Variants in CTNNA2 observed in about 807,000 individuals in gnomAD.
CTNNA2 encodes catenin alpha-2.
A neutral mutation model predicts 101.0 loss-of-function variants in CTNNA2; 42 were observed. That is an observed-to-expected ratio of 0.42 (90% CI 0.32 to 0.54). The LOEUF (loss-of-function observed/expected upper bound fraction) is 0.54. Among genes scored for constraint, CTNNA2 ranks in the 20% least tolerant of loss-of-function variants. The pLI is 0.14. For synonymous variants in CTNNA2, 450 were observed against 456.4 expected (o/e 0.99, Z 0.18); for missense variants, 871 against 1,223.1 (o/e 0.71, Z 4.29).
intron 6 of CTNNA2, among the ~76,000 whole-genome samples, chr2:79,875,093 G>A (rs1056863414): frequency 6.6e-6 from 1 of 152,168 alleles, no homozygotes; most frequent in African/African-American, 2.4e-5. Flanking sequence ...GAGAGCCTGT[G>A]TTAGTTCTCT....
chr2:80,626,218 T>C (rs1671668432), intron 18 of CTNNA2, among the ~76,000 whole-genome samples: 1 of 152,108 alleles, frequency 6.6e-6, no homozygotes, highest in Admixed American at 6.6e-5. Context: ...TAGAGTTATT[T>C]CTCTCTCACA....
At chr2:80,257,109 T>C (rs17018905) in intron 7 of CTNNA2, among the ~76,000 whole-genome samples, 9,499 of 152,232 alleles carry the variant, frequency 0.062, 473 homozygotes, top group South Asian at 0.29. Flanking sequence ...AGATGCACCA[T>C]TACAAGGGCA....
At chr2:80,318,945 A>G (rs1678404677) in intron 7 of CTNNA2, among the ~76,000 whole-genome samples, 1 of 152,180 alleles carries the variant, frequency 6.6e-6, no homozygotes, top group African/African-American at 2.4e-5. Context: ...AAGAGGTTTT[A>G]GTGTATGTTG....
intron 7 of CTNNA2, among the ~76,000 whole-genome samples, chr2:80,269,755 A>C (rs2149136943): frequency 6.6e-6 from 1 of 152,334 alleles, no homozygotes. Context: ...TCCATCAGAT[A>C]ATATGGCAAA....
intron 7 of CTNNA2, among the ~76,000 whole-genome samples, chr2:80,358,943 T>C (rs932199304): frequency 6.6e-6 from 1 of 152,150 alleles, no homozygotes; most frequent in Non-Finnish European, 1.5e-5. Context: ...TTTTTCCTTT[T>C]TGCATTGGGG....
intron 7 of CTNNA2, among the ~76,000 whole-genome samples, chr2:79,978,041 T>C (rs1277015525): frequency 6.6e-6 from 1 of 152,182 alleles, no homozygotes; most frequent in Non-Finnish European, 1.5e-5. Flanking sequence ...ATGCAAAATC[T>C]ACTTTGATTC....
Position 79,852,002 on chromosome 2 carries a change from T to A in CTNNA2, c.299-6011T>A, listed in dbSNP as rs189661449. 4.2e-3 allele frequency among the ~76,000 whole-genome samples: 637 copies of A among 152,200 alleles called. 4 individuals carry two copies. Among genetic ancestry groups the A allele is most frequent in the African/African-American group, 0.013 (556 of 41,532 alleles). ...ATCTGCCCGCCTCAGCCTCTCGAAG[T>A]GCTGGGATTACAGGTGTGAGCCACA... On this transcript the variant is annotated intron_variant, in intron 3 of 18. Coordinates refer to ENST00000402739, the MANE Select transcript of CTNNA2 (RefSeq NM_001282597.3).
At chr2:80,355,747 T>TTTTC (rs1220313120) in intron 7 of CTNNA2, among the ~76,000 whole-genome samples, 1 of 152,236 alleles carries the variant, frequency 6.6e-6, no homozygotes, top group African/African-American at 2.4e-5. Flanking sequence ...TTGGACAACT[T>TTTTC]TTTCTTTCTT....
At chr2:80,217,315 C>T (rs548429181) in intron 7 of CTNNA2, among the ~76,000 whole-genome samples, 2 of 152,060 alleles carry the variant, frequency 1.3e-5, no homozygotes, top group Admixed American at 6.6e-5. Flanking sequence ...CTTCATATAA[C>T]TTCATCCTCT....
intron 4 of CTNNA2, among the ~76,000 whole-genome samples, chr2:79,417,070 A>G (rs1678492561): frequency 6.6e-6 from 1 of 152,158 alleles, no homozygotes; most frequent in Non-Finnish European, 1.5e-5. Flanking sequence ...TGTATGCCAT[A>G]AGTATACTCT....
chr2:79,805,981 T>C lies in CTNNA2; in HGVS notation c.299-52032T>C, dbSNP rs569396594. 5.9e-4 allele frequency among the ~76,000 whole-genome samples: 90 copies of C among 152,154 alleles called. 1 individual carries two copies. The South Asian group carries it at 0.017, about 28-fold the overall frequency. On this transcript the variant is annotated intron_variant, in intron 3 of 18. Coordinates refer to ENST00000402739, the MANE Select transcript of CTNNA2 (RefSeq NM_001282597.3). ...GTTTATAAGAAAAGAAAGAATAGCC[T>C]ATAATTTTCAAAGATTAGTAGGTTA...
chr2:79,190,823 C>T (rs1414749385), intron 1 of CTNNA2, among the ~76,000 whole-genome samples: 1 of 152,162 alleles, frequency 6.6e-6, no homozygotes, highest in Non-Finnish European at 1.5e-5. Context: ...AAGAGAAATA[C>T]ATTTTAATAA....
intron 7 of CTNNA2, among the ~76,000 whole-genome samples, chr2:80,264,842 G>A (rs1227735074): frequency 6.6e-6 from 1 of 152,004 alleles, no homozygotes; most frequent in Non-Finnish European, 1.5e-5. Flanking sequence ...AAGGTTTGTA[G>A]GAACAGATTG....
chr2:80,024,719 C>T (rs1694826619), intron 7 of CTNNA2, among the ~76,000 whole-genome samples: 1 of 151,710 alleles, frequency 6.6e-6, no homozygotes, highest in African/African-American at 2.4e-5. Context: ...GAAAGAGTGT[C>T]TGCGACCCCT....
At chr2:80,375,710 G>A (rs941552649) in intron 7 of CTNNA2, among the ~76,000 whole-genome samples, 2 of 151,240 alleles carry the variant, frequency 1.3e-5, no homozygotes, top group African/African-American at 2.4e-5. Context: ...GACTACAGGC[G>A]CCCGCCACAA....
At chr2:79,232,243 T>C (rs1378003292) in intron 2 of CTNNA2, among the ~76,000 whole-genome samples, 1 of 152,196 alleles carries the variant, frequency 6.6e-6, no homozygotes, top group Non-Finnish European at 1.5e-5. Context: ...CAATGCCTAA[T>C]TGATTTAGGA....
intron 2 of CTNNA2, among the ~76,000 whole-genome samples, chr2:79,690,033 A>G (rs1684187153): frequency 6.6e-6 from 1 of 152,072 alleles, no homozygotes; most frequent in Non-Finnish European, 1.5e-5. Flanking sequence ...AAAGGGACAA[A>G]GTCAATAGAT....
At chr2:80,311,870 T>G (rs2149228910) in intron 7 of CTNNA2, among the ~76,000 whole-genome samples, 1 of 152,348 alleles carries the variant, frequency 6.6e-6, no homozygotes, top group South Asian at 2.1e-4. Flanking sequence ...AATTGCAGTT[T>G]ATATTGCATT....
intron 6 of CTNNA2, among the ~76,000 whole-genome samples, chr2:79,894,057 TTCTTCTTCC>T (rs1379606135): frequency 6.3e-4 from 47 of 74,864 alleles, no homozygotes; most frequent in Middle Eastern, 6.7e-3. Context: ...CTTCTTCTTC[TTCTTCTTCC>T]TCCTCCTCCT....
Sources: allele counts gnomAD v4.1 joint callset (sites outside exome capture counted in the v4.1 genomes callset), GRCh38; gene constraint gnomAD v4.1.1; transcripts MANE v1.5; gene names NCBI Gene and HGNC (gene_info 2026-07-23, HGNC 2026-07-21).